PSMD5: variants seen among roughly 807,000 people sequenced by gnomAD.
The protein encoded by PSMD5 is proteasome 26S subunit, non-ATPase 5.
In PSMD5, 40 loss-of-function variants were observed where a neutral mutation model predicts 52.1. The observed-to-expected ratio is 0.77, with a 90% CI of 0.60 to 1.00. The LOEUF (loss-of-function observed/expected upper bound fraction) is 1.00. Among genes scored for constraint, PSMD5 ranks in the 50% least tolerant of loss-of-function variants. The pLI, the probability that PSMD5 is intolerant of heterozygous loss-of-function variation, is 0.00. For synonymous variants in PSMD5, 211 were observed against 226.6 expected (o/e 0.93, Z 0.62); for missense variants, 575 against 605.2 (o/e 0.95, Z 0.52).
chr9:120,824,320 AG>A, intron 7 of PSMD5, 173 bp downstream of exon 7: 3 of 629,594 alleles, frequency 4.8e-6, no homozygotes, highest in Non-Finnish European at 8.3e-6. Context: ...AAAAAAAAAA[AG>A]GTTTTCCGTA....
intron 2 of PSMD5, among the ~76,000 whole-genome samples, chr9:120,832,883 A>G (rs2045171139): frequency 6.6e-6 from 1 of 152,228 alleles, no homozygotes; most frequent in Non-Finnish European, 1.5e-5. Flanking sequence ...GACCTTTACA[A>G]TAGCATTTGG....
intron 1 of PSMD5, among the ~76,000 whole-genome samples, chr9:120,837,328 C>T (rs1375985190): frequency 3.3e-5 from 5 of 152,096 alleles, no homozygotes; most frequent in Admixed American, 1.3e-4. Context: ...CCTGAAGAAC[C>T]GAATGTTTAA....
Position 120,820,837 on chromosome 9 carries a change from A to G in PSMD5, c.1257+2T>C. 1 of 1,570,528 alleles carries G rather than the reference A, an allele frequency of 6.4e-7. No homozygotes were observed. The highest frequency in any genetic ancestry group is 8.6e-7 in the Non-Finnish European group (1 of 1,166,326). ...GAAGGACCTATGGAAGTGAATACCT[A>G]CCGTAAACACTTTTAAGGCAGCACA... On this transcript the variant is annotated splice_donor_variant, in intron 9 of 9. Coordinates refer to ENST00000210313, the MANE Select transcript of PSMD5 (RefSeq NM_005047.4). LOFTEE classifies it high-confidence loss of function.
chr9:120,840,619 C>CTT lies in PSMD5; in HGVS notation c.173+2116_173+2117dup, dbSNP rs35843505. On this transcript the variant is annotated intron_variant, in intron 1 of 9. Transcript: ENST00000210313. ...CGCTACCAAGCCCAGCTAATTTTTG[C>CTT]TTTTTTTTTTTTTTTTTTGAGACGG... is the stretch of plus-strand genomic sequence containing the variant. 6.5e-3 allele frequency among the ~76,000 whole-genome samples: 750 copies of CTT among 116,130 alleles called. 13 individuals are homozygous for CTT. Among genetic ancestry groups the CTT allele is most frequent in the African/African-American group, 0.021 (663 of 31,026 alleles). The allele number at this position is 116,130 out of a possible 152,430, so 76.2% of individuals were successfully genotyped here. A position where few individuals can be genotyped will look rare whatever the true frequency, so the allele number is the denominator to read the frequency against.
At chr9:120,832,002 C>T in intron 2 of PSMD5, 57 bp from the exon 3 acceptor site, 1 of 1,569,418 alleles carries the variant, frequency 6.4e-7, no homozygotes, top group Non-Finnish European at 8.6e-7. Flanking sequence ...ACGGTAAACA[C>T]ACGATGGTCC....
rs147072151 is a variant in PSMD5 at position 120,832,504 on chromosome 9, C to T, written c.319-559G>A. ...CTCTGCCTCCTGGGTTCAAACGATT[C>T]TCCCACCTCAGGCTCCTGAGTAGCT... On this transcript the variant is annotated intron_variant, in intron 2 of 9. Coordinates refer to ENST00000210313, the MANE Select transcript of PSMD5 (RefSeq NM_005047.4). Among the ~76,000 whole-genome samples, 263 of 147,344 alleles carry T rather than the reference C, an allele frequency of 1.8e-3. 8 individuals carry two copies. The East Asian group carries it at 0.05, about 28-fold the overall frequency.
At chr9:120,824,743 G>C (rs1588067734) in intron 6 of PSMD5, 58 bp from the exon 7 acceptor site, 1 of 1,403,320 alleles carries the variant, frequency 7.1e-7, no homozygotes, top group East Asian at 2.3e-5. Context: ...TGAATTGCGG[G>C]CTCTATGACT....
Position 120,833,392 on chromosome 9 carries a change from C to G in PSMD5, c.238G>C (p.Val80Leu). 6.2e-7 allele frequency: 1 copy of G among 1,614,012 alleles called. No individual in the cohort carries two copies. Among genetic ancestry groups the G allele is most frequent in the Non-Finnish European group, 8.5e-7 (1 of 1,179,918 alleles). The change falls in exon 2 of 10, where the codon GTG becomes CTG. Residue 80 changes from valine (V) to leucine (L), a missense_variant. Physicochemically the swap from Val to Leu is conservative, Grantham distance 32. Coordinates refer to ENST00000210313, the MANE Select transcript of PSMD5 (RefSeq NM_005047.4). Reference protein sequence around the residue: ...RLLQAMEPVHVARNLRVDLQR... With the variant: ...RLLQAMEPVHLARNLRVDLQR... ...AGGTCAACCCTGAGGTTCCGGGCCACGTGAACCGGTTCCATAGCTTGGAGC... is the reference window on the plus strand; with the variant it reads ...AGGTCAACCCTGAGGTTCCGGGCCAGGTGAACCGGTTCCATAGCTTGGAGC...
At chr9:120,836,452 G>A (rs947086768) in intron 1 of PSMD5, among the ~76,000 whole-genome samples, 19 of 148,358 alleles carry the variant, frequency 1.3e-4, no homozygotes, top group African/African-American at 4.5e-4. Context: ...GCTGGAGTGC[G>A]ATGGCGTGAT....
In PSMD5 at chr9:120,831,923, G is replaced by A. The variant is rs2045164151; in HGVS notation, c.341C>T (p.Ser114Phe). 6.2e-7 allele frequency: 1 copy of A among 1,612,262 alleles called. No individual in the cohort carries two copies. The highest frequency in any genetic ancestry group is 1.3e-5 in the African/African-American group (1 of 74,836). The change falls in exon 3 of 10, where the codon TCT (serine) becomes TTT (phenylalanine). Residue 114 changes from serine to phenylalanine, a missense_variant. Physicochemically the swap from Ser to Phe is radical, Grantham distance 155. Transcript: ENST00000210313. ...LSQIGRIVEN[S>F]DAVTEILNNA... is the part of the protein sequence containing the mutation. Reference sequence around the variant, plus strand: ...ATTTAGAATCTCAGTAACAGCATCAGAATTTTCAACAATTCTTCCAATCTG... The same window carrying A: ...ATTTAGAATCTCAGTAACAGCATCAAAATTTTCAACAATTCTTCCAATCTG...
intron 7 of PSMD5, among the ~76,000 whole-genome samples, chr9:120,822,671 G>A (rs2045094009): frequency 6.6e-6 from 1 of 151,956 alleles, no homozygotes; most frequent in Admixed American, 6.6e-5. Flanking sequence ...CGAGTAGCTG[G>A]GATTACAGGC....
At chr9:120,824,764 A>G (rs1023894991) in intron 6 of PSMD5, 79 bp from the exon 7 acceptor site, 5 of 1,204,438 alleles carry the variant, frequency 4.2e-6, no homozygotes, top group Non-Finnish European at 2.3e-6. Context: ...TCACAGGAAC[A>G]GAAATGAACT....
In PSMD5 at chr9:120,826,877, C is replaced by T; in HGVS notation, c.702G>A (p.Leu234=). The T allele has an allele frequency of 1.2e-6, 2 of 1,613,406 alleles. No individual in the cohort carries two copies. Among genetic ancestry groups the T allele is most frequent in the Non-Finnish European group, 1.7e-6 (2 of 1,179,566 alleles). The change falls in exon 6 of 10, where the codon CTG becomes CTA. Residue 234 remains leucine (L), a synonymous_variant. Coordinates refer to ENST00000210313, the MANE Select transcript of PSMD5 (RefSeq NM_005047.4). ...RATCIEMVTS[L]AYTHHGRQYL... is the part of the protein sequence containing the mutation. Reference sequence around the variant, plus strand: ...ATTGTCGCCCATGATGAGTATATGCCAGTGATGTCACCATTTCTATACAGG... The same window carrying T: ...ATTGTCGCCCATGATGAGTATATGCTAGTGATGTCACCATTTCTATACAGG...
chr9:120,835,577 A>T (rs977677211), intron 1 of PSMD5, among the ~76,000 whole-genome samples: 1 of 152,038 alleles, frequency 6.6e-6, no homozygotes, highest in Non-Finnish European at 1.5e-5. Context: ...ATACAAAAAA[A>T]ATTAGCTGGG....
At chr9:120,839,874 G>C (rs1489366880) in intron 1 of PSMD5, among the ~76,000 whole-genome samples, 2 of 146,184 alleles carry the variant, frequency 1.4e-5, no homozygotes, top group Non-Finnish European at 3.0e-5. Flanking sequence ...CCAGCACTTT[G>C]GGAGGCCGAG....
intron 6 of PSMD5, among the ~76,000 whole-genome samples, chr9:120,826,216 G>A (rs1203559017): frequency 2.0e-5 from 3 of 152,016 alleles, no homozygotes; most frequent in Non-Finnish European, 2.9e-5. Flanking sequence ...GGATGGTCTC[G>A]ATCACCTGAC....
chr9:120,842,876 C>A lies in PSMD5; in HGVS notation c.34G>T (p.Val12Leu). ...TCCAGCGGCGCTTCCAGCCTCGCTA[C>A]CTCTCTCAGCAGCGCCAAAGCCTGG... ...AAQALALLRE[V>L]ARLEAPLEEL... The change falls in exon 1 of 10, where the codon GTA becomes TTA. Residue 12 changes from valine (V) to leucine (L), a missense_variant. Val to Leu is a conservative substitution (Grantham distance 32). Coordinates refer to ENST00000210313, the MANE Select transcript of PSMD5 (RefSeq NM_005047.4). 1 of 1,600,050 alleles carries A rather than the reference C, an allele frequency of 6.2e-7. No individual in the cohort carries two copies.
rs1274493807 is a variant in PSMD5 at position 120,827,738 on chromosome 9, TTAAGA to T, written c.672-836_672-832del. ...GAACACAGGACAATCAGAAAATCAT[TTAAGA>T]TAAGAAAAATCAAAACCTATATACA... On this transcript the variant is annotated intron_variant, in intron 5 of 9. Transcript: ENST00000210313. Among the ~76,000 whole-genome samples the T allele has an allele frequency of 2.6e-5, 4 of 152,308 alleles. No individual in the cohort carries two copies. In the East Asian group the frequency reaches 5.8e-4, roughly 22 times the overall value.
rs150082172 is a variant in PSMD5, at chr9:120,829,201, A to C, written c.569T>G (p.Ile190Arg). Residue 190 changes from isoleucine (I) to arginine (R), a missense_variant, in exon 5 of 10, where the codon ATA becomes AGA. Physicochemically the swap from Ile to Arg is moderately conservative, Grantham distance 97 (BLOSUM62 -3). Coordinates refer to ENST00000210313, the MANE Select transcript of PSMD5 (RefSeq NM_005047.4). ...TTCTGGTGACACGGAAGAAATCTCT[A>C]TAATTAGCTGAAATAAAAAAAAAAA... Reference protein sequence around the residue: ...IVRYRVYELIIEISSVSPESL... With the variant: ...IVRYRVYELIREISSVSPESL... 2.5e-6 allele frequency: 4 copies of C among 1,584,600 alleles called. No individual in the cohort carries two copies. The highest frequency in any genetic ancestry group is 2.2e-5 in the East Asian group (1 of 44,546).
Sources: gnomAD v4.1 joint callset for allele counts (sites outside exome capture counted in the v4.1 genomes callset) on GRCh38, gnomAD v4.1.1 for gene constraint, MANE v1.5 for transcripts, NCBI Gene and HGNC (gene_info 2026-07-23, HGNC 2026-07-21) for gene names.